SLC5A4: variants seen among roughly 807,000 people sequenced by gnomAD.
SLC5A4 encodes the protein probable glucose sensor protein SLC5A4.
SLC5A4 carries 55 observed loss-of-function variants against 70.3 expected under a neutral mutation model. The observed-to-expected ratio is 0.78, with a 90% confidence interval of 0.63 to 0.98. SLC5A4 has a LOEUF of 0.98. Ranked by LOEUF, SLC5A4 falls within the 50% of genes least tolerant of loss-of-function variation. SLC5A4 has a pLI of 0.00. For missense variants in SLC5A4, 735 were observed against 839.2 expected (o/e 0.88, Z 1.53); for synonymous variants, 268 against 305.7 (o/e 0.88, Z 1.29).
At chr22:32,354,105 C>T in the SLC5A4 span, among the ~76,000 whole-genome samples, 1 of 150,526 alleles carries the variant, frequency 6.6e-6, no homozygotes, top group Non-Finnish European at 1.5e-5. Context: ...CTCCCTGGCA[C>T]GCAGTACAGA....
At chr22:32,334,481 G>A in the SLC5A4 span, among the ~76,000 whole-genome samples, 1 of 152,156 alleles carries the variant, frequency 6.6e-6, no homozygotes, top group Non-Finnish European at 1.5e-5. Context: ...CCACTGCCTG[G>A]GGCACAGTGA....
chr22:32,220,889 A>G (rs1407307262), intron 14 of SLC5A4, 31 bp downstream of exon 14: 3 of 1,391,360 alleles, frequency 2.2e-6, no homozygotes, highest in Admixed American at 1.7e-5. Flanking sequence ...CAGAGTTCCT[A>G]CATGAAAACC....
intron 7 of SLC5A4, among the ~76,000 whole-genome samples, chr22:32,236,995 C>T (rs932438318): frequency 1.2e-4 from 19 of 152,258 alleles, no homozygotes; most frequent in Admixed American, 4.6e-4. Context: ...TGAGCCACCG[C>T]GCCCGGCCTC....
chr22:32,324,747 C>T, the SLC5A4 span, among the ~76,000 whole-genome samples: 270 of 152,262 alleles, frequency 1.8e-3, 1 homozygote, highest in African/African-American at 6.2e-3. Context: ...AAGTCATTAA[C>T]CTCTCTGGGC....
chr22:32,265,232 TA>T, the SLC5A4 span, among the ~76,000 whole-genome samples: 1,948 of 152,146 alleles, frequency 0.013, 22 homozygotes, highest in South Asian at 0.037. Context: ...ACAAAATAGT[TA>T]AAAAATTAGC....
the SLC5A4 span, among the ~76,000 whole-genome samples, chr22:32,335,949 T>C: frequency 3.5e-4 from 54 of 152,312 alleles, no homozygotes; most frequent in East Asian, 7.4e-3. Flanking sequence ...AATGCCCGTG[T>C]TGGGAGACGT....
At chr22:32,288,276 C>T in the SLC5A4 span, among the ~76,000 whole-genome samples, 1 of 152,186 alleles carries the variant, frequency 6.6e-6, no homozygotes, top group East Asian at 1.9e-4. Flanking sequence ...AGGAAGATTA[C>T]ACTTCCTACT....
chr22:32,224,244 T>C (rs1218024676), intron 13 of SLC5A4, 23 bp downstream of exon 13: 1 of 1,544,480 alleles, frequency 6.5e-7, no homozygotes, highest in Non-Finnish European at 9.0e-7. Context: ...AAAATTAGCA[T>C]GTATTCATTA....
At chr22:32,269,846 G>C in the SLC5A4 span, 3 of 632,848 alleles carry the variant, frequency 4.7e-6, no homozygotes, top group Admixed American at 3.8e-5. This position sits in a 1 kb window ranked among gnomAD's most constrained non-coding sequence, Gnocchi z 4.1. Context: ...AGATCTACAT[G>C]CTGACCCTCA....
chr22:32,255,383 C>A, upstream of SLC5A4: 1 of 1,592,818 alleles, frequency 6.3e-7, no homozygotes, highest in South Asian at 1.1e-5. Flanking sequence ...TATATAAGTT[C>A]TGGGTTAATG....
chr22:32,305,860 T>A, the SLC5A4 span, among the ~76,000 whole-genome samples: 1 of 148,306 alleles, frequency 6.7e-6, no homozygotes, highest in Non-Finnish European at 1.5e-5. Flanking sequence ...TGCTTTCGGC[T>A]CTGTCTCGTC....
the SLC5A4 span, among the ~76,000 whole-genome samples, chr22:32,342,672 A>T: frequency 3.0e-4 from 46 of 152,204 alleles, no homozygotes; most frequent in African/African-American, 1.0e-3. Flanking sequence ...AGCTTATTTA[A>T]TAGTGTCCAC....
chr22:32,349,875 A>C, the SLC5A4 span, among the ~76,000 whole-genome samples: 1 of 152,170 alleles, frequency 6.6e-6, no homozygotes, highest in East Asian at 1.9e-4. Context: ...GTAATACAAA[A>C]TCCTCCCTCC....
At chr22:32,310,542 G>A in the SLC5A4 span, among the ~76,000 whole-genome samples, 1 of 152,046 alleles carries the variant, frequency 6.6e-6, no homozygotes, top group Non-Finnish European at 1.5e-5. Flanking sequence ...CTCATGTCAG[G>A]GGAGAGGAAG....
At chr22:32,331,594 TGGA>T in the SLC5A4 span, among the ~76,000 whole-genome samples, 1 of 151,588 alleles carries the variant, frequency 6.6e-6, no homozygotes. Context: ...AGCGGTGGGG[TGGA>T]GATGACAAAG....
the SLC5A4 span, among the ~76,000 whole-genome samples, chr22:32,300,202 T>C: frequency 6.6e-6 from 1 of 152,298 alleles, no homozygotes. Flanking sequence ...GCTTCCCAGC[T>C]GCTTTGTTTA....
chr22:32,266,719 A>G, the SLC5A4 span, among the ~76,000 whole-genome samples: 1 of 152,240 alleles, frequency 6.6e-6, no homozygotes, highest in Non-Finnish European at 1.5e-5. Flanking sequence ...TGAATGGCCC[A>G]TTGTTGACTG....
the SLC5A4 span, among the ~76,000 whole-genome samples, chr22:32,307,872 C>T: frequency 6.6e-6 from 1 of 152,142 alleles, no homozygotes; most frequent in Non-Finnish European, 1.5e-5. Context: ...AGGCAGACAC[C>T]CTCTGATACC....
chr22:32,248,423 T>C (rs540991185), intron 4 of SLC5A4, among the ~76,000 whole-genome samples: 1 of 152,306 alleles, frequency 6.6e-6, no homozygotes, highest in East Asian at 1.9e-4. Context: ...TCAACACACC[T>C]GGACAATGAG....
Sources: gnomAD v4.1 joint callset for allele counts (sites outside exome capture counted in the v4.1 genomes callset) on GRCh38, gnomAD v4.1.1 for gene constraint, Gnocchi (gnomAD v3.1) non-coding constraint, MANE v1.5 for transcripts, NCBI Gene and HGNC (gene_info 2026-07-23, HGNC 2026-07-21) for gene names.